The following ARID1B variants were observed in gnomAD, a reference collection of about 807,000 sequenced individuals.
ARID1B encodes the protein AT-rich interaction domain 1B.
ARID1B carries 30 observed loss-of-function variants against 212.3 expected under a neutral mutation model. The observed-to-expected ratio is 0.14, with a 90% CI of 0.11 to 0.19. The LOEUF (loss-of-function observed/expected upper bound fraction) is 0.19. ARID1B is among the 10% of genes least tolerant of loss of function. The pLI is 1.00. For synonymous variants in ARID1B, 1,402 were observed against 1,301.7 expected, an observed-to-expected ratio of 1.08 and a Z score of -1.66; for missense variants, 2,891 against 3,204.0, an observed-to-expected ratio of 0.90 and a Z score of 2.36.
intron 4 of ARID1B, among the ~76,000 whole-genome samples, chr6:157,020,519 C>T (rs1780165680): frequency 6.6e-6 from 1 of 152,074 alleles, no homozygotes. Flanking sequence ...TGTTTGAATG[C>T]TTTAGCCACT....
chr6:157,125,482 C>T (rs1788072751), intron 6 of ARID1B, among the ~76,000 whole-genome samples: 1 of 152,194 alleles, frequency 6.6e-6, no homozygotes, highest in African/African-American at 2.4e-5. Context: ...GTTTCCAAGT[C>T]CATGCCTTGG....
At chr6:157,134,571 G>A (rs555258966) in intron 7 of ARID1B, among the ~76,000 whole-genome samples, 1 of 152,286 alleles carries the variant, frequency 6.6e-6, no homozygotes, top group Non-Finnish European at 1.5e-5. Flanking sequence ...ATTCCAGTAA[G>A]CGTTAGGAAT....
rs1284871286 is a variant in ARID1B at position 157,027,396 on chromosome 6, T to A, written c.2248-57266T>A. Among the ~76,000 whole-genome samples, 4 of 152,388 alleles carry A rather than the reference T, an allele frequency of 2.6e-5. No individual in the cohort carries two copies. The East Asian group carries it at 7.7e-4, about 29-fold the overall frequency. ...GGTTTTAAATATGCACTGTGATAAA[T>A]GTCTTTGGTCGTAACCACTATTTCA... is the stretch of plus-strand genomic sequence containing the variant. On this transcript the variant is annotated intron_variant, in intron 4 of 19. Coordinates refer to ENST00000636930, the MANE Select transcript of ARID1B (RefSeq NM_001374828.1).
chr6:156,935,649 G>T, intron 4 of ARID1B, 73 bp downstream of exon 4: 1 of 1,321,006 alleles, frequency 7.6e-7, no homozygotes, highest in Non-Finnish European at 1.1e-6. Context: ...GTTTTTGTTT[G>T]TTCTACTTTA....
intron 11 of ARID1B, among the ~76,000 whole-genome samples, chr6:157,176,290 C>T (rs1254351504): frequency 2.0e-5 from 3 of 152,184 alleles, no homozygotes; most frequent in Non-Finnish European, 4.4e-5. Flanking sequence ...CATCCGAACT[C>T]GCAGGAAGGG....
chr6:156,850,638 T>C (rs1464693219), intron 2 of ARID1B, among the ~76,000 whole-genome samples: 1 of 152,246 alleles, frequency 6.6e-6, no homozygotes, highest in Non-Finnish European at 1.5e-5. Flanking sequence ...ATAGGCAGTT[T>C]AAGCATTTTT....
At chr6:157,012,836 C>T (rs1779694976) in intron 4 of ARID1B, among the ~76,000 whole-genome samples, 1 of 152,154 alleles carries the variant, frequency 6.6e-6, no homozygotes, top group Non-Finnish European at 1.5e-5. Context: ...GGTATGGGAC[C>T]TTACATGGTG....
At chr6:156,823,102 T>A (rs1200050620) in intron 1 of ARID1B, among the ~76,000 whole-genome samples, 1 of 152,220 alleles carries the variant, frequency 6.6e-6, no homozygotes, top group Admixed American at 6.5e-5. Flanking sequence ...TGCATCAGTA[T>A]TGAAGAAATG....
At chr6:156,828,990 GT>G (rs1352710389) in intron 1 of ARID1B, among the ~76,000 whole-genome samples, 1 of 152,074 alleles carries the variant, frequency 6.6e-6, no homozygotes, top group Admixed American at 6.5e-5. Context: ...TTTTAGTTTT[GT>G]TTAGTCTAGA....
chr6:157,120,333 G>A (rs1321247619), intron 6 of ARID1B, among the ~76,000 whole-genome samples: 1 of 152,178 alleles, frequency 6.6e-6, no homozygotes, highest in Non-Finnish European at 1.5e-5. Flanking sequence ...AGTTTGTGGG[G>A]TGGATGGGGA....
chr6:156,830,752 A>G (rs750059576), intron 2 of ARID1B, among the ~76,000 whole-genome samples: 4 of 151,798 alleles, frequency 2.6e-5, no homozygotes, highest in South Asian at 2.1e-4. Context: ...ATGTATCGAG[A>G]CCCTAAAAAA....
chr6:156,815,778 G>A (rs375056734), intron 1 of ARID1B, among the ~76,000 whole-genome samples: 7 of 152,118 alleles, frequency 4.6e-5, no homozygotes, highest in African/African-American at 1.4e-4. Context: ...TATAAAAATC[G>A]ACAGGTAAGC....
At chr6:157,014,048 C>G (rs1298304195) in intron 4 of ARID1B, among the ~76,000 whole-genome samples, 1 of 152,144 alleles carries the variant, frequency 6.6e-6, no homozygotes, top group Non-Finnish European at 1.5e-5. Flanking sequence ...TATAAACCTG[C>G]TTTCTTTGGG....
At chr6:156,855,521 C>A (rs1245380760) in intron 2 of ARID1B, among the ~76,000 whole-genome samples, 1 of 152,096 alleles carries the variant, frequency 6.6e-6, no homozygotes, top group Admixed American at 6.5e-5. Flanking sequence ...TCTTTTCTGA[C>A]AAAATATCAC....
intron 4 of ARID1B, among the ~76,000 whole-genome samples, chr6:157,041,885 G>T (rs570336820): frequency 1.6e-4 from 25 of 152,198 alleles, no homozygotes; most frequent in African/African-American, 6.0e-4. Flanking sequence ...GGTCCCCAAC[G>T]ACACACCCAG....
chr6:156,950,910 AT>A (rs767953784), intron 4 of ARID1B, among the ~76,000 whole-genome samples: 1 of 152,220 alleles, frequency 6.6e-6, no homozygotes. Flanking sequence ...TGTATGAAGT[AT>A]AATATAATTG....
intron 4 of ARID1B, among the ~76,000 whole-genome samples, chr6:157,058,000 C>T (rs529280324): frequency 6.6e-6 from 1 of 152,210 alleles, no homozygotes; most frequent in East Asian, 1.9e-4. Context: ...TATGGATGCA[C>T]CCGTTTTTGG....
rs147812837 is a variant in ARID1B at position 156,845,716 on chromosome 6, C to G, written c.1986+16295C>G. Among the ~76,000 whole-genome samples the G allele has an allele frequency of 2.7e-3, 407 of 152,148 alleles. 1 individual carries two copies. The highest frequency in any genetic ancestry group is 8.8e-3 in the African/African-American group (366 of 41,528). On this transcript the variant is annotated intron_variant, in intron 2 of 19. Coordinates refer to ENST00000636930, the MANE Select transcript of ARID1B (RefSeq NM_001374828.1). The stretch of plus-strand genomic sequence containing the variant: ...GAGTTGGTATTTTCCATCCATTTTG[C>G]TAGACTCATTCAGTATTAAACTTGG...
At position 156,852,702 on chromosome 6, in the gene ARID1B, A is replaced by G. The variant is rs79646906; in HGVS notation, c.1986+23281A>G. Reference sequence around the variant, plus strand: ...TTACAACAGTGGGCTCTCTGGCTCTATTAATAGCTAATGACTTGTATTATA... The same window carrying G: ...TTACAACAGTGGGCTCTCTGGCTCTGTTAATAGCTAATGACTTGTATTATA... On this transcript the variant is annotated intron_variant, in intron 2 of 19. Coordinates refer to ENST00000636930, the MANE Select transcript of ARID1B (RefSeq NM_001374828.1). Among the ~76,000 whole-genome samples, 376 of 152,350 alleles carry G rather than the reference A, an allele frequency of 2.5e-3. 5 individuals carry two copies. The highest frequency in any genetic ancestry group is 8.3e-3 in the African/African-American group (345 of 41,590).
Sources: gnomAD v4.1 joint callset for allele counts (sites outside exome capture counted in the v4.1 genomes callset) on GRCh38, gnomAD v4.1.1 for gene constraint, MANE v1.5 for transcripts, NCBI Gene and HGNC (gene_info 2026-07-23, HGNC 2026-07-21) for gene names.